Variants in EPS8 observed in about 807,000 individuals in gnomAD.
The protein encoded by EPS8 is EGFR pathway substrate 8, signaling adaptor, also known as epidermal growth factor receptor kinase substrate 8.
A neutral mutation model predicts 103.8 loss-of-function variants in EPS8; 42 were observed. The ratio of observed to expected loss-of-function variants is 0.40; its 90% CI spans 0.32 to 0.52. The LOEUF is 0.52. EPS8 is among the 20% of genes least tolerant of loss of function. The pLI is 0.40. For synonymous variants in EPS8, 344 were observed against 344.6 expected, an observed-to-expected ratio of 1.00 and a Z score of 0.02; for missense variants, 969 against 1,005.1, an observed-to-expected ratio of 0.96 and a Z score of 0.49.
chr12:15,700,300 A>T lies in EPS8; in HGVS notation c.-21-17328T>A, dbSNP rs1288967484. On this transcript the variant is annotated intron_variant, in intron 1 of 20. Transcript: ENST00000281172. The surrounding 1 kb of genome is among the most constrained non-coding windows in gnomAD (Gnocchi z 5.1). ...CTAACGTATTCTTTTCTATCTTCTAAACAATTCTGAGGTGTGGCAAACTAG... is the reference window on the plus strand; with the variant it reads ...CTAACGTATTCTTTTCTATCTTCTATACAATTCTGAGGTGTGGCAAACTAG... 6.6e-6 allele frequency among the ~76,000 whole-genome samples: 1 copy of T among 152,192 alleles called. No individual in the cohort carries two copies. The highest frequency in any genetic ancestry group is 1.5e-5 in the Non-Finnish European group (1 of 68,030).
At chr12:15,663,370 A>G (rs1022460948) in intron 8 of EPS8, among the ~76,000 whole-genome samples, 3 of 152,100 alleles carry the variant, frequency 2.0e-5, no homozygotes, top group African/African-American at 7.2e-5. Flanking sequence ...CAGGGATTCA[A>G]CGGAGAAGCA....
chr12:15,784,882 T>C lies in EPS8; in HGVS notation c.-22+4279A>G, dbSNP rs1481401493. Among the ~76,000 whole-genome samples the C allele has an allele frequency of 6.6e-6, 1 of 152,104 alleles. No homozygotes were observed. Among genetic ancestry groups the C allele is most frequent in the Non-Finnish European group, 1.5e-5 (1 of 67,960 alleles). The stretch of plus-strand genomic sequence containing the variant: ...AAGCCAGTCTGGCAAGGCTGTATGA[T>C]TCCAATTATACAACATCTGGAAAAG... On this transcript the variant is annotated intron_variant, in intron 1 of 20. Transcript: ENST00000281172. This position sits in a 1 kb window ranked among gnomAD's most constrained non-coding sequence, Gnocchi z 4.0.
At chr12:15,775,522 T>C (rs1947199217) in intron 1 of EPS8, among the ~76,000 whole-genome samples, 1 of 152,172 alleles carries the variant, frequency 6.6e-6, no homozygotes, top group Admixed American at 6.5e-5. Flanking sequence ...ACAGTACCAG[T>C]ATATGTAGAA....
rs768315494 is a variant in EPS8 at position 15,736,697 on chromosome 12, T to C, written c.-22+52464A>G. The stretch of plus-strand genomic sequence containing the variant: ...AGATGTGGCAGAAAGAAGAAAGAAA[T>C]TGGTGTATTATGATAATGAGAGAAA... On this transcript the variant is annotated intron_variant, in intron 1 of 20. Transcript: ENST00000281172. This position sits in a 1 kb window ranked among gnomAD's most constrained non-coding sequence, Gnocchi z 4.2. Among the ~76,000 whole-genome samples, 2 of 152,128 alleles carry C rather than the reference T, an allele frequency of 1.3e-5. No individual in the cohort carries two copies. The highest frequency in any genetic ancestry group is 4.8e-5 in the African/African-American group (2 of 41,416).
intron 18 of EPS8, among the ~76,000 whole-genome samples, chr12:15,625,572 C>T (rs1031408555): frequency 3.9e-5 from 6 of 152,142 alleles, no homozygotes; most frequent in South Asian, 2.1e-4. Flanking sequence ...CTCTCTACTA[C>T]ACTTTGCTAA....
chr12:15,747,756 C>T lies in EPS8; in HGVS notation c.-22+41405G>A, dbSNP rs531670347. ...AAAAAAATAGCCAGGCGCAGTGGCT[C>T]ACGCCTGTAATCCCAGCACTTTGGG... On this transcript the variant is annotated intron_variant, in intron 1 of 20. Transcript: ENST00000281172. This position sits in a 1 kb window ranked among gnomAD's most constrained non-coding sequence, Gnocchi z 4.4. Among the ~76,000 whole-genome samples the T allele has an allele frequency of 6.6e-6, 1 of 152,304 alleles. No homozygotes were observed. Among genetic ancestry groups the T allele is most frequent in the African/African-American group, 2.4e-5 (1 of 41,564 alleles).
Position 15,670,896 on chromosome 12 carries a change from C to G in EPS8, c.164G>C (p.Ser55Thr), listed in dbSNP as rs768889001. 1 of 1,612,308 alleles carries G rather than the reference C, an allele frequency of 6.2e-7. No individual in the cohort carries two copies. Among genetic ancestry groups the G allele is most frequent in the Non-Finnish European group, 8.5e-7 (1 of 1,178,850 alleles). The change falls in exon 4 of 21, where the codon AGT becomes ACT. Residue 55 changes from serine (S) to threonine (T), a missense_variant. Ser to Thr is a moderately conservative substitution (Grantham distance 58, BLOSUM62 1). Transcript: ENST00000281172. Reference sequence around the variant, plus strand: ...AGATATATCTGACACACTGCTGACACTGTCCCGTGCATAATTCTTCCTTTG... The same window carrying G: ...AGATATATCTGACACACTGCTGACAGTGTCCCGTGCATAATTCTTCCTTTG... ...YEQRKNYARD[S>T]VSSVSDISQY...
chr12:15,773,896 A>C (rs1947180603), intron 1 of EPS8, among the ~76,000 whole-genome samples: 1 of 152,174 alleles, frequency 6.6e-6, no homozygotes, highest in African/African-American at 2.4e-5. Context: ...CAATTTATAA[A>C]ATTTATAATA....
chr12:15,687,827 TATCTC>T (rs1946116259), intron 1 of EPS8, among the ~76,000 whole-genome samples: 1 of 152,216 alleles, frequency 6.6e-6, no homozygotes, highest in East Asian at 1.9e-4. Flanking sequence ...AAATTACTAA[TATCTC>T]AGTTCAAAAT....
At chr12:15,634,695 A>G in intron 17 of EPS8, 1 of 398,808 alleles carries the variant, frequency 2.5e-6, no homozygotes, top group Non-Finnish European at 4.4e-6. Flanking sequence ...AATCCAAAAA[A>G]TTATATTAAA....
intron 19 of EPS8, 58 bp downstream of exon 19, chr12:15,624,169 A>C (rs902989865): frequency 7.1e-7 from 1 of 1,405,710 alleles, no homozygotes; most frequent in Non-Finnish European, 1.0e-6. Context: ...AACTAAGCAA[A>C]TTGAAAACAA....
rs1328104825 is a variant in EPS8, at chr12:15,711,936, GCTCT to G, written c.-21-28968_-21-28965del. On this transcript the variant is annotated intron_variant, in intron 1 of 20. Transcript: ENST00000281172. ...GTAACTTAATCAGTTATTTATTTTT[GCTCT>G]CTATCTAGTCTGTGTTACAATGTTA... 5.3e-5 allele frequency among the ~76,000 whole-genome samples: 8 copies of G among 152,112 alleles called. No homozygotes were observed. The South Asian group carries it at 6.2e-4, about 12-fold the overall frequency.
intron 16 of EPS8, among the ~76,000 whole-genome samples, 145 bp downstream of exon 16, chr12:15,641,553 TCCCCTTAGAAGGAGTATCTATATA>T (rs1489914966): frequency 6.6e-6 from 1 of 151,980 alleles, no homozygotes; most frequent in African/African-American, 2.4e-5. Context: ...TCTAAAGCTA[TCCCCTTAGAAGGAGTATCTATATA>T]CCCCTACTAA....
chr12:15,699,430 C>A lies in EPS8; in HGVS notation c.-21-16458G>T, dbSNP rs542144107. ...GTTATGAGGATTATATGCAAAAGCACACACAGATCATTTGACATCTATATC... is the reference window on the plus strand; with the variant it reads ...GTTATGAGGATTATATGCAAAAGCAAACACAGATCATTTGACATCTATATC... On this transcript the variant is annotated intron_variant, in intron 1 of 20. Coordinates refer to ENST00000281172, the MANE Select transcript of EPS8 (RefSeq NM_004447.6). Among the ~76,000 whole-genome samples the A allele has an allele frequency of 2.0e-5, 3 of 152,318 alleles. No individual in the cohort carries two copies. In the South Asian group the frequency reaches 6.2e-4, roughly 32 times the overall value.
At chr12:15,670,290 T>C (rs767959970) in intron 4 of EPS8, among the ~76,000 whole-genome samples, 1 of 152,232 alleles carries the variant, frequency 6.6e-6, no homozygotes, top group East Asian at 1.9e-4. Context: ...AACTATTCAA[T>C]CCACTAAAAC....
chr12:15,726,534 G>A (rs181981363), intron 1 of EPS8, among the ~76,000 whole-genome samples: 1 of 152,276 alleles, frequency 6.6e-6, no homozygotes, highest in Admixed American at 6.5e-5. Flanking sequence ...GTCAGATTTT[G>A]TGAAAAAGCC....
At position 15,684,504 on chromosome 12, in the gene EPS8, T is replaced by C. The variant is rs1946062101; in HGVS notation, c.-21-1532A>G. 6.6e-6 allele frequency among the ~76,000 whole-genome samples: 1 copy of C among 152,182 alleles called. No individual in the cohort carries two copies. The highest frequency in any genetic ancestry group is 2.4e-5 in the African/African-American group (1 of 41,450). ...AAGGGTACCAGGCACAGAATAGGTG[T>C]TCATTAAATATTTATTCAAAGAAAG... On this transcript the variant is annotated intron_variant, in intron 1 of 20. Coordinates refer to ENST00000281172, the MANE Select transcript of EPS8 (RefSeq NM_004447.6). The surrounding 1 kb of genome is among the most constrained non-coding windows in gnomAD (Gnocchi z 4.9).
chr12:15,679,781 C>T (rs1239343678), intron 3 of EPS8, among the ~76,000 whole-genome samples: 1 of 152,158 alleles, frequency 6.6e-6, no homozygotes, highest in South Asian at 2.1e-4. Flanking sequence ...TCTTAGTCAT[C>T]TTTGAAATGA....
intron 1 of EPS8, among the ~76,000 whole-genome samples, chr12:15,775,363 G>A (rs1168594717): frequency 6.6e-6 from 1 of 152,062 alleles, no homozygotes; most frequent in African/African-American, 2.4e-5. Flanking sequence ...TGTCTGGTCT[G>A]ATCTTAAATT....
Sources: allele counts gnomAD v4.1 joint callset (sites outside exome capture counted in the v4.1 genomes callset), GRCh38; gene constraint gnomAD v4.1.1; non-coding constraint Gnocchi (gnomAD v3.1); transcripts MANE v1.5; gene names NCBI Gene and HGNC (gene_info 2026-07-23, HGNC 2026-07-21).